CYBRD1: variants seen among roughly 807,000 people sequenced by gnomAD.
CYBRD1 encodes the protein cytochrome b reductase 1.
A neutral mutation model predicts 21.9 loss-of-function variants in CYBRD1; 14 were observed. The observed-to-expected ratio is 0.64, with a 90% CI of 0.42 to 1.00. CYBRD1 has a LOEUF of 1.00. CYBRD1 is among the 50% of genes least tolerant of loss of function. The pLI, the probability that CYBRD1 is intolerant of heterozygous loss-of-function variation, is 0.00. For synonymous variants in CYBRD1, 146 were observed against 136.5 expected, an observed-to-expected ratio of 1.07 and a Z score of -0.48; for missense variants, 328 against 352.5, an observed-to-expected ratio of 0.93 and a Z score of 0.56.
At position 171,541,573 on chromosome 2, in the gene CYBRD1, G is replaced by A. The variant is rs755529671; in HGVS notation, c.194-12G>A. The A allele has an allele frequency of 2.1e-5, 34 of 1,612,660 alleles. No homozygotes were observed. Among genetic ancestry groups the A allele is most frequent in the Admixed American group, 3.3e-5 (2 of 59,960 alleles). The stretch of plus-strand genomic sequence containing the variant: ...AACAAAACACATTCTGTGTCCTTTC[G>A]TCTTTCCCTAGCCATCATCGTCTAC... On this transcript the variant is annotated splice_polypyrimidine_tract_variant and intron_variant, in intron 1 of 3. Coordinates refer to ENST00000321348, the MANE Select transcript of CYBRD1 (RefSeq NM_024843.4).
intron 1 of CYBRD1, among the ~76,000 whole-genome samples, chr2:171,527,598 G>A (rs1432341769): frequency 6.6e-6 from 1 of 152,192 alleles, no homozygotes; most frequent in Non-Finnish European, 1.5e-5. Flanking sequence ...TATTGCACTG[G>A]AAACGCATCT....
At position 171,522,551 on chromosome 2, in the gene CYBRD1, C is replaced by G. The variant is rs1314851511; in HGVS notation, c.6C>G (p.Ala2=). The G allele has an allele frequency of 6.2e-7, 1 of 1,601,410 alleles. No individual in the cohort carries two copies. The highest frequency in any genetic ancestry group is 1.1e-5 in the South Asian group (1 of 88,824). Residue 2 remains alanine (A), a synonymous_variant, in exon 1 of 4, where the codon GCC becomes GCG. Coordinates refer to ENST00000321348, the MANE Select transcript of CYBRD1 (RefSeq NM_024843.4). This position sits in a 1 kb window ranked among gnomAD's most constrained non-coding sequence, Gnocchi z 4.3. M[A]MEGYWRFLAL... ...GTGCGGAGTATGGGGCGCTGATGGC[C>G]ATGGAGGGCTACTGGCGCTTCCTGG...
rs1683493415 is a variant in CYBRD1, at chr2:171,556,663, A to T, written c.*1836A>T. 6.6e-6 allele frequency: 1 copy of T among 152,196 alleles called. No individual in the cohort carries two copies. Among genetic ancestry groups the T allele is most frequent in the East Asian group, 1.9e-4 (1 of 5,198 alleles). 9.4% of individuals were successfully genotyped at this position (152,196 alleles called of 1,614,324 possible). ...AAACCATTCAAGATCCCCTTGCTGCAACACTGTTCTCTTCTTCTCTACTAA... is the reference window on the plus strand; with the variant it reads ...AAACCATTCAAGATCCCCTTGCTGCTACACTGTTCTCTTCTTCTCTACTAA... On this transcript the variant is annotated 3_prime_UTR_variant, in exon 4 of 4. Coordinates refer to ENST00000321348, the MANE Select transcript of CYBRD1 (RefSeq NM_024843.4).
chr2:171,524,395 A>G (rs1381380525), intron 1 of CYBRD1, among the ~76,000 whole-genome samples: 1 of 152,234 alleles, frequency 6.6e-6, no homozygotes, highest in Non-Finnish European at 1.5e-5. Flanking sequence ...CTCAAAGAGT[A>G]GAGCCAGTCT....
At chr2:171,554,327 T>C (rs1419898742) in intron 3 of CYBRD1, among the ~76,000 whole-genome samples, 197 bp from the exon 4 acceptor site, 1 of 152,198 alleles carries the variant, frequency 6.6e-6, no homozygotes, top group African/African-American at 2.4e-5. Flanking sequence ...ATTATTTTCA[T>C]ATTTATTATT....
In CYBRD1 at chr2:171,541,652, A is replaced by G; in HGVS notation, c.261A>G (p.Ala87=). The part of the protein sequence containing the change: ...CSKLLMKSIH[A]GLNAVAAILA... ...AGCTCCTGATGAAATCCATCCATGC[A>G]GGGTTAAATGCAGTTGCTGCCATTC... The change falls in exon 2 of 4, where the codon GCA becomes GCG. Residue 87 remains alanine (A), a synonymous_variant. Coordinates refer to ENST00000321348, the MANE Select transcript of CYBRD1 (RefSeq NM_024843.4). The G allele has an allele frequency of 1.9e-6, 3 of 1,613,984 alleles. No homozygotes were observed. The highest frequency in any genetic ancestry group is 1.7e-5 in the Admixed American group (1 of 59,992).
chr2:171,544,333 C>G (rs1697679491), intron 2 of CYBRD1, among the ~76,000 whole-genome samples: 1 of 152,114 alleles, frequency 6.6e-6, no homozygotes, highest in Admixed American at 6.5e-5. Context: ...TTTTGATAAA[C>G]AGAAATTGTC....
intron 1 of CYBRD1, among the ~76,000 whole-genome samples, chr2:171,525,648 T>A (rs1387307223): frequency 2.0e-5 from 3 of 152,192 alleles, no homozygotes; most frequent in Non-Finnish European, 4.4e-5. Flanking sequence ...GTATTGGAGT[T>A]CTTCTCTTCT....
intron 1 of CYBRD1, chr2:171,539,996 GTT>G (rs1697605625): frequency 1.3e-5 from 2 of 152,246 alleles, no homozygotes; most frequent in South Asian, 4.1e-4. Flanking sequence ...CTCCCAAAGT[GTT>G]GGGATTACAG....
intron 2 of CYBRD1, among the ~76,000 whole-genome samples, chr2:171,549,427 T>C (rs1352184692): frequency 6.6e-6 from 1 of 152,198 alleles, no homozygotes; most frequent in African/African-American, 2.4e-5. Flanking sequence ...CTATTTCTAA[T>C]TATAAAAGTA....
intron 1 of CYBRD1, among the ~76,000 whole-genome samples, chr2:171,540,568 A>T (rs1406366139): frequency 6.6e-6 from 1 of 152,136 alleles, no homozygotes; most frequent in East Asian, 1.9e-4. Context: ...AGTTTTCCAA[A>T]GTTTTGTTCT....
Position 171,556,617 on chromosome 2 carries a change from A to G in CYBRD1, c.*1790A>G, listed in dbSNP as rs1165593573. ...GACTGAATACAAGCCACACTCCATC[A>G]TATCCCTTAAACTTCATGAAAAACC... On this transcript the variant is annotated 3_prime_UTR_variant, in exon 4 of 4. Transcript: ENST00000321348. 6.6e-6 allele frequency: 1 copy of G among 152,188 alleles called. No individual in the cohort carries two copies. The highest frequency in any genetic ancestry group is 1.9e-4 in the East Asian group (1 of 5,198). 9.4% of individuals were successfully genotyped at this position (152,188 alleles called of 1,614,324 possible).
At chr2:171,536,851 G>A (rs2105335780) in intron 1 of CYBRD1, among the ~76,000 whole-genome samples, 1 of 151,712 alleles carries the variant, frequency 6.6e-6, no homozygotes, top group Admixed American at 6.5e-5. Flanking sequence ...TGCTTTTCGA[G>A]TGTTGAAATC....
In CYBRD1 at chr2:171,557,047, G is replaced by A. The variant is rs943051328; in HGVS notation, c.*2220G>A. The A allele has an allele frequency of 6.6e-6, 1 of 152,518 alleles. No homozygotes were observed. 9.4% of individuals were successfully genotyped at this position (152,518 alleles called of 1,614,324 possible). ...AAGTATTTAAGCACCCCCCATCTCAGCCCTTTATTTTATCTTTCATGTGGG... is the reference window on the plus strand; with the variant it reads ...AAGTATTTAAGCACCCCCCATCTCAACCCTTTATTTTATCTTTCATGTGGG... On this transcript the variant is annotated 3_prime_UTR_variant, in exon 4 of 4. Coordinates refer to ENST00000321348, the MANE Select transcript of CYBRD1 (RefSeq NM_024843.4).
chr2:171,534,525 G>T (rs564528493), intron 1 of CYBRD1, among the ~76,000 whole-genome samples: 4 of 152,280 alleles, frequency 2.6e-5, no homozygotes, highest in Admixed American at 2.6e-4. Flanking sequence ...ATTTTAAAAA[G>T]CATGTAAACA....
At chr2:171,553,701 A>T (rs1356515103) in intron 3 of CYBRD1, among the ~76,000 whole-genome samples, 1 of 152,120 alleles carries the variant, frequency 6.6e-6, no homozygotes, top group Non-Finnish European at 1.5e-5. Flanking sequence ...AAATTGTATT[A>T]CTCTTATGAA....
rs1024010524 is a variant in CYBRD1 at position 171,553,336 on chromosome 2, T to C, written c.403-10T>C. On this transcript the variant is annotated splice_polypyrimidine_tract_variant and intron_variant, in intron 2 of 3. Transcript: ENST00000321348. Reference sequence around the variant, plus strand: ...ATTAAATGATAACCTTTGCACTTTTTGGTGTTTAGCTTCTTTCAGGTTTTT... The same window carrying C: ...ATTAAATGATAACCTTTGCACTTTTCGGTGTTTAGCTTCTTTCAGGTTTTT... 2.5e-6 allele frequency: 4 copies of C among 1,613,232 alleles called. No individual in the cohort carries two copies. Among genetic ancestry groups the C allele is most frequent in the Admixed American group, 3.3e-5 (2 of 59,980 alleles).
At chr2:171,549,160 T>A (rs1204436991) in intron 2 of CYBRD1, among the ~76,000 whole-genome samples, 1 of 152,208 alleles carries the variant, frequency 6.6e-6, no homozygotes, top group Non-Finnish European at 1.5e-5. Flanking sequence ...CTTGGCTCAT[T>A]GCAACCTCTG....
chr2:171,545,942 C>CA (rs1222276671), intron 2 of CYBRD1, among the ~76,000 whole-genome samples: 1 of 152,094 alleles, frequency 6.6e-6, no homozygotes, highest in African/African-American at 2.4e-5. Flanking sequence ...TTAATGTAGT[C>CA]AATTATATAA....
Sources: allele counts gnomAD v4.1 joint callset (sites outside exome capture counted in the v4.1 genomes callset), GRCh38; gene constraint gnomAD v4.1.1; non-coding constraint Gnocchi (gnomAD v3.1); transcripts MANE v1.5; gene names NCBI Gene and HGNC (gene_info 2026-07-23, HGNC 2026-07-21).